MAGEC3: variants seen among roughly 807,000 people sequenced by gnomAD.
MAGEC3 encodes melanoma-associated antigen C3.
Under a neutral mutation model 35.3 loss-of-function variants are expected in MAGEC3, and 34 were observed. That is an observed-to-expected ratio of 0.96 (90% confidence interval 0.73 to 1.28). The LOEUF (loss-of-function observed/expected upper bound fraction) is 1.28, where lower values mean the gene tolerates loss of function less well. Ranked by LOEUF, MAGEC3 falls within the 50% of genes most tolerant of loss-of-function variation. MAGEC3 has a pLI of 0.00. For missense variants in MAGEC3, 561 were observed against 483.6 expected, an observed-to-expected ratio of 1.16 and a Z score of -1.50; for synonymous variants, 202 against 185.6, an observed-to-expected ratio of 1.09 and a Z score of -0.72.
intron 2 of MAGEC3, among the ~76,000 whole-genome samples, chrX:141,867,297 C>T (rs1421921605): frequency 8.9e-6 from 1 of 111,897 alleles, no homozygotes; most frequent in Non-Finnish European, 1.9e-5. Flanking sequence ...ACAGTGGGCC[C>T]CAGTAAAACA....
chrX:141,878,081 G>A (rs776213836), intron 2 of MAGEC3, among the ~76,000 whole-genome samples: 7 of 111,927 alleles, frequency 6.3e-5, no homozygotes, highest in Non-Finnish European at 1.1e-4. Flanking sequence ...TGGCTGTACC[G>A]GTTGATTGAG....
chrX:141,846,251 C>A (rs2017715996), intron 1 of MAGEC3, among the ~76,000 whole-genome samples: 1 of 107,577 alleles, frequency 9.3e-6, no homozygotes. Context: ...ACTTTCCACT[C>A]CTTTTCCAAC....
chrX:141,855,405 T>C (rs1027473967), intron 1 of MAGEC3, among the ~76,000 whole-genome samples: 3 of 111,496 alleles, frequency 2.7e-5, no homozygotes, highest in African/African-American at 6.5e-5. Flanking sequence ...ACCTTGTTAA[T>C]TTTTCCCAAA....
intron 4 of MAGEC3, among the ~76,000 whole-genome samples, chrX:141,891,447 T>TC (rs1221947836): frequency 3.6e-5 from 4 of 110,486 alleles, no homozygotes; most frequent in Non-Finnish European, 7.5e-5. Context: ...CTGCTCCTCT[T>TC]CCTTTTATTA....
chrX:141,893,867 A>G (rs533516448), intron 4 of MAGEC3, among the ~76,000 whole-genome samples: 1 of 111,530 alleles, frequency 9.0e-6, no homozygotes, highest in Non-Finnish European at 1.9e-5. Flanking sequence ...GAAAAGGCAT[A>G]TAAAAAGATG....
At chrX:141,892,614 T>C (rs1348819935) in intron 4 of MAGEC3, among the ~76,000 whole-genome samples, 1 of 111,448 alleles carries the variant, frequency 9.0e-6, no homozygotes, top group Admixed American at 9.6e-5. Context: ...TAATTGTCTA[T>C]GGGGAAATGA....
chrX:141,866,249 A>G (rs758866276), intron 2 of MAGEC3, among the ~76,000 whole-genome samples: 1 of 112,045 alleles, frequency 8.9e-6, no homozygotes, highest in Non-Finnish European at 1.9e-5. Context: ...ATTTCCTCCT[A>G]TGTTTTCTCA....
intron 4 of MAGEC3, among the ~76,000 whole-genome samples, chrX:141,894,362 A>T (rs887980538): frequency 1.8e-5 from 2 of 112,416 alleles, no homozygotes; most frequent in African/African-American, 6.4e-5. Flanking sequence ...TGTTAAAAAT[A>T]ATTTTTTTAA....
chrX:141,869,048 A>AT (rs1197742517), intron 2 of MAGEC3, among the ~76,000 whole-genome samples: 13 of 105,438 alleles, frequency 1.2e-4, no homozygotes, highest in African/African-American at 2.4e-4. Context: ...CACCTGGCTA[A>AT]TTTTTTTTTG....
At chrX:141,874,101 G>A (rs2017905263) in intron 2 of MAGEC3, among the ~76,000 whole-genome samples, 1 of 111,948 alleles carries the variant, frequency 8.9e-6, no homozygotes, top group South Asian at 3.7e-4. Flanking sequence ...GGAATCAGAG[G>A]CATTTAAATT....
At chrX:141,849,744 C>T (rs771221110) in intron 1 of MAGEC3, among the ~76,000 whole-genome samples, 11 of 111,079 alleles carry the variant, frequency 9.9e-5, no homozygotes, top group Non-Finnish European at 1.3e-4. Context: ...AAATAACACA[C>T]GCTGGCAATG....
chrX:141,884,175 A>G (rs1230106819), intron 4 of MAGEC3, among the ~76,000 whole-genome samples: 2 of 112,817 alleles, frequency 1.8e-5, no homozygotes, highest in Non-Finnish European at 1.9e-5. Flanking sequence ...GGAGGTTAAC[A>G]TTTGAGTCAG....
rs1202873286 is a variant in MAGEC3, at chrX:141,893,716, G to GA, written c.910-1553_910-1552insA. Among the ~76,000 whole-genome samples the GA allele has an allele frequency of 6.2e-3, 328 of 52,641 alleles. 3 individuals are homozygous for GA. The highest frequency in any genetic ancestry group is 0.052 in the Middle Eastern group (6 of 115). 45.7% of individuals were successfully genotyped at this position (52,641 alleles called of 115,157 possible). ...GGGCAGGGCAGGAGGGCAGGAATTG[G>GA]GGGGGGGGGCGTAGATATGTGAGAA... On this transcript the variant is annotated intron_variant, in intron 4 of 7. Coordinates refer to ENST00000298296, the MANE Select transcript of MAGEC3 (RefSeq NM_138702.1).
intron 4 of MAGEC3, among the ~76,000 whole-genome samples, chrX:141,885,949 G>T (rs768848037): frequency 1.8e-5 from 2 of 111,314 alleles, no homozygotes; most frequent in Non-Finnish European, 3.8e-5. Context: ...GAAGAGATCT[G>T]CAGGGATTGG....
At chrX:141,838,576 C>G in intron 1 of MAGEC3, 138 bp downstream of exon 1, 1 of 1,051,604 alleles carries the variant, frequency 9.5e-7, no homozygotes, top group Non-Finnish European at 1.2e-6. Flanking sequence ...GCTATCTTGC[C>G]CAGCCTTGAT....
rs753309510 is a variant in MAGEC3, at chrX:141,897,378, C to T, written c.1620C>T (p.Asp540=). 1 of 1,211,686 alleles carries T rather than the reference C, an allele frequency of 8.3e-7. No individual in the cohort carries two copies. Among genetic ancestry groups the T allele is most frequent in the Non-Finnish European group, 1.1e-6 (1 of 895,514 alleles). ...CCTATGAGGGAAGCCTGATTGATGA[C>T]CAGGGCATGCCCAAGAACTGTCTCC... ...DLTYEGSLID[D]QGMPKNCLLI... Residue 540 remains aspartate, a synonymous_variant, in exon 7 of 8, where the codon GAC becomes GAT. Transcript: ENST00000298296.
At chrX:141,885,386 G>T (rs930844980) in intron 4 of MAGEC3, among the ~76,000 whole-genome samples, 1 of 110,007 alleles carries the variant, frequency 9.1e-6, no homozygotes, top group Non-Finnish European at 1.9e-5. Context: ...AGGTTCTAAG[G>T]CCGGGCGCAG....
At chrX:141,857,927 A>G (rs1048544582) in intron 1 of MAGEC3, among the ~76,000 whole-genome samples, 1 of 111,556 alleles carries the variant, frequency 9.0e-6, no homozygotes, top group African/African-American at 3.3e-5. Flanking sequence ...AGAGTCTATC[A>G]CATCATAGGT....
At chrX:141,895,691 C>A in intron 6 of MAGEC3, 132 bp downstream of exon 6, 1 of 295,966 alleles carries the variant, frequency 3.4e-6, no homozygotes, top group Non-Finnish European at 4.9e-6. Flanking sequence ...TCAGTCAGCT[C>A]AGGCTGAGCG....
Sources: gnomAD v4.1 joint callset for allele counts (sites outside exome capture counted in the v4.1 genomes callset) on GRCh38, gnomAD v4.1.1 for gene constraint, MANE v1.5 for transcripts, NCBI Gene and HGNC (gene_info 2026-07-23, HGNC 2026-07-21) for gene names.